Variants in MCPH1 observed in about 807,000 individuals in gnomAD.
The protein encoded by MCPH1 is microcephalin.
In MCPH1, 104 loss-of-function variants were observed where a neutral mutation model predicts 84.5. That is an observed-to-expected ratio of 1.23 (90% CI 1.05 to 1.45). The LOEUF is 1.45. MCPH1 is among the 40% of genes most tolerant of loss of function. MCPH1 has a pLI of 0.00. For missense variants in MCPH1, 1,498 were observed against 1,005.7 expected, an observed-to-expected ratio of 1.49 and a Z score of -6.62; for synonymous variants, 514 against 366.8, an observed-to-expected ratio of 1.40 and a Z score of -4.58.
chr8:6,541,313 G>C (rs779531885), intron 12 of MCPH1, among the ~76,000 whole-genome samples: 1 of 152,204 alleles, frequency 6.6e-6, no homozygotes, highest in African/African-American at 2.4e-5. Flanking sequence ...ATGGGCCCCA[G>C]GCTGTGGGCA....
chr8:6,615,578 AG>A (rs1324573068), intron 12 of MCPH1: 1 of 152,286 alleles, frequency 6.6e-6, no homozygotes, highest in Non-Finnish European at 1.5e-5. Context: ...CCAGGATCCA[AG>A]AAAAAATGGA....
intron 5 of MCPH1, among the ~76,000 whole-genome samples, chr8:6,436,691 T>G (rs1194545286): frequency 5.3e-5 from 8 of 151,498 alleles, no homozygotes; most frequent in Admixed American, 5.3e-4. Context: ...TATTATGGGC[T>G]GGGCACAGTG....
At chr8:6,550,384 CCA>C (rs1298075699) in intron 12 of MCPH1, among the ~76,000 whole-genome samples, 5 of 152,220 alleles carry the variant, frequency 3.3e-5, no homozygotes, top group African/African-American at 1.2e-4. Context: ...AGGGCTGCAC[CCA>C]GACACGTGCG....
At chr8:6,610,496 CTT>C (rs971773390) in intron 12 of MCPH1, among the ~76,000 whole-genome samples, 3 of 152,194 alleles carry the variant, frequency 2.0e-5, no homozygotes, top group Non-Finnish European at 2.9e-5. Flanking sequence ...TAGTTCGACT[CTT>C]AGCAAAAGCC....
rs556075446 is a variant in MCPH1 at position 6,445,709 on chromosome 8, G to C, written c.1825+162G>C. 102 of 1,415,534 alleles carry C rather than the reference G, an allele frequency of 7.2e-5. No homozygotes were observed. In the East Asian group the frequency reaches 2.6e-3, roughly 36 times the overall value. 87.7% of individuals were successfully genotyped at this position (1,415,534 alleles called of 1,614,324 possible). A position where few individuals can be genotyped will look rare whatever the true frequency, so the allele number is the denominator to read the frequency against. The stretch of plus-strand genomic sequence containing the variant: ...ATCATTCCAATGATAAACTCTTTAG[G>C]AATAGATGACTTGCTGTCTTGTGGA... On this transcript the variant is annotated intron_variant, in intron 8 of 13. Transcript: ENST00000344683.
chr8:6,546,367 T>C (rs1822574872), intron 12 of MCPH1, among the ~76,000 whole-genome samples: 1 of 152,206 alleles, frequency 6.6e-6, no homozygotes, highest in Non-Finnish European at 1.5e-5. Flanking sequence ...GCTAGGTTTT[T>C]GGTGGTTGCT....
intron 12 of MCPH1, among the ~76,000 whole-genome samples, chr8:6,592,641 T>TTTTTTTG (rs1238168977): frequency 3.6e-4 from 39 of 107,476 alleles, no homozygotes; most frequent in East Asian, 1.0e-3. Flanking sequence ...TTTTTTTTTT[T>TTTTTTTG]TTGTTGCTGT....
intron 10 of MCPH1, among the ~76,000 whole-genome samples, chr8:6,478,687 G>C (rs1808792119): frequency 6.6e-6 from 1 of 152,160 alleles, no homozygotes; most frequent in Non-Finnish European, 1.5e-5. Flanking sequence ...GCCAGCCTCA[G>C]GATGGAGTTC....
intron 12 of MCPH1, among the ~76,000 whole-genome samples, chr8:6,546,649 G>C (rs1440140056): frequency 6.6e-6 from 1 of 152,136 alleles, no homozygotes; most frequent in Non-Finnish European, 1.5e-5. Context: ...ACAAGCAACT[G>C]TTGGCCTAGA....
chr8:6,427,873 A>G (rs1448698733), intron 3 of MCPH1, among the ~76,000 whole-genome samples: 1 of 151,060 alleles, frequency 6.6e-6, no homozygotes, highest in Non-Finnish European at 1.5e-5. Flanking sequence ...GCTCACTGCA[A>G]CCTCTGCCTC....
At chr8:6,559,139 AT>A (rs914092754) in intron 12 of MCPH1, among the ~76,000 whole-genome samples, 1 of 151,444 alleles carries the variant, frequency 6.6e-6, no homozygotes, top group African/African-American at 2.4e-5. Flanking sequence ...ATGGGATGGG[AT>A]TTTTTTCTTT....
At chr8:6,523,650 C>T (rs553308066) in intron 12 of MCPH1, among the ~76,000 whole-genome samples, 6 of 152,176 alleles carry the variant, frequency 3.9e-5, no homozygotes, top group South Asian at 4.2e-4. Flanking sequence ...TGTGCAGTGG[C>T]GCGATCTCAG....
At chr8:6,498,229 A>G (rs1165386259) in intron 11 of MCPH1, among the ~76,000 whole-genome samples, 1 of 152,222 alleles carries the variant, frequency 6.6e-6, no homozygotes, top group Non-Finnish European at 1.5e-5. Context: ...CCCTTCTTAT[A>G]AGAAATATGT....
chr8:6,433,117 G>A (rs933305706), intron 4 of MCPH1, among the ~76,000 whole-genome samples: 6 of 152,142 alleles, frequency 3.9e-5, no homozygotes, highest in Non-Finnish European at 7.3e-5. Context: ...ACCATTTCAT[G>A]TCGGTAGCTT....
chr8:6,582,521 T>G (rs1827639828), intron 12 of MCPH1, among the ~76,000 whole-genome samples: 1 of 152,218 alleles, frequency 6.6e-6, no homozygotes, highest in East Asian at 1.9e-4. Flanking sequence ...TTCTCTTCAT[T>G]GATCCTTACT....
At chr8:6,606,378 T>A (rs971350364) in intron 12 of MCPH1, among the ~76,000 whole-genome samples, 9 of 152,230 alleles carry the variant, frequency 5.9e-5, no homozygotes, top group Non-Finnish European at 1.3e-4. Context: ...ACAGTCCGTG[T>A]TGCATTTTAT....
chr8:6,592,631 T>G (rs13249489), intron 12 of MCPH1, among the ~76,000 whole-genome samples: 3 of 140,682 alleles, frequency 2.1e-5, no homozygotes, highest in East Asian at 2.0e-4. Context: ...TTGTTTTTTT[T>G]TTTTTTTTTT....
At chr8:6,624,214 C>G (rs893718224) in intron 13 of MCPH1, among the ~76,000 whole-genome samples, 1 of 152,260 alleles carries the variant, frequency 6.6e-6, no homozygotes, top group South Asian at 2.1e-4. Flanking sequence ...AGTTCTCTGA[C>G]TTCCAGGCCT....
chr8:6,516,130 C>A (rs1563328005), intron 12 of MCPH1, among the ~76,000 whole-genome samples: 1 of 152,188 alleles, frequency 6.6e-6, no homozygotes, highest in Admixed American at 6.5e-5. Flanking sequence ...ATGAAAGTTA[C>A]ATTTATTAAG....
Sources: allele counts gnomAD v4.1 joint callset (sites outside exome capture counted in the v4.1 genomes callset), GRCh38; gene constraint gnomAD v4.1.1; transcripts MANE v1.5; gene names NCBI Gene and HGNC (gene_info 2026-07-23, HGNC 2026-07-21).